XXYLT1: variants seen among roughly 807,000 people sequenced by gnomAD.
XXYLT1 encodes the protein UDP-xylose:alpha-xyloside alpha-1,3-xylosyltransferase.
In XXYLT1, 20 loss-of-function variants were observed where a neutral mutation model predicts 28.9. The ratio of observed to expected loss-of-function variants is 0.69; its 90% CI spans 0.49 to 1.00. The LOEUF is 1.00. XXYLT1 is among the 50% of genes least tolerant of loss of function. The pLI is 0.00. For synonymous variants in XXYLT1, 257 were observed against 253.8 expected (o/e 1.01, Z -0.12); for missense variants, 542 against 560.1 (o/e 0.97, Z 0.33).
chr3:195,203,745 T>A (rs1387544089), intron 2 of XXYLT1, among the ~76,000 whole-genome samples: 1 of 152,212 alleles, frequency 6.6e-6, no homozygotes, highest in African/African-American at 2.4e-5. Context: ...CTTGGAGCAG[T>A]GTGCTGGGAC....
chr3:195,122,182 A>G (rs12634646), intron 3 of XXYLT1: 174,355 of 702,684 alleles, frequency 0.25, 26,958 homozygotes, highest in East Asian at 0.58. Flanking sequence ...CAGGACACTC[A>G]TCCCATTCAT....
rs1350383863 is a variant in XXYLT1, at chr3:195,070,105, T to C, written c.792A>G (p.Thr264=). 3 of 1,563,932 alleles carry C rather than the reference T, an allele frequency of 1.9e-6. No homozygotes were observed. Among genetic ancestry groups the C allele is most frequent in the Non-Finnish European group, 2.6e-6 (3 of 1,162,488 alleles). Residue 264 remains threonine (T), a synonymous_variant, in exon 4 of 4, where the codon ACA becomes ACG. Coordinates refer to ENST00000310380, the MANE Select transcript of XXYLT1 (RefSeq NM_152531.5). ...AREMQPVYRH[T]FWQFRHENPQ... is the part of the protein sequence containing the mutation. ...GGTTCTCATGGCGGAACTGCCAGAA[T>C]GTGTGCCTGTGGAGAGAGAGGACAG...
intron 3 of XXYLT1, among the ~76,000 whole-genome samples, chr3:195,084,021 C>A (rs781123367): frequency 1.1e-4 from 16 of 151,158 alleles, no homozygotes; most frequent in Non-Finnish European, 1.6e-4. Flanking sequence ...GAGTGAAAAT[C>A]GGTCTCAAAA....
rs1721254251 is a variant in XXYLT1, at chr3:195,168,801, G to A, written c.653-12220C>T. Among the ~76,000 whole-genome samples, 2 of 152,198 alleles carry A rather than the reference G, an allele frequency of 1.3e-5. No individual in the cohort carries two copies. The highest frequency in any genetic ancestry group is 4.1e-4 in the South Asian group (2 of 4,834). On this transcript the variant is annotated intron_variant, in intron 2 of 3. Coordinates refer to ENST00000310380, the MANE Select transcript of XXYLT1 (RefSeq NM_152531.5). This position sits in a 1 kb window ranked among gnomAD's most constrained non-coding sequence, Gnocchi z 4.3. ...GCAAATGTTGAAAATTCAGGTCCAC[G>A]GTGGCCTGTAATAACCTGCTTAGGG...
At chr3:195,141,482 T>C (rs1190692107) in intron 3 of XXYLT1, among the ~76,000 whole-genome samples, 1 of 152,234 alleles carries the variant, frequency 6.6e-6, no homozygotes, top group Non-Finnish European at 1.5e-5. Flanking sequence ...GTATATGACC[T>C]CAACTACTGG....
chr3:195,252,260 C>A (rs951194186), intron 1 of XXYLT1, among the ~76,000 whole-genome samples: 1 of 152,050 alleles, frequency 6.6e-6, no homozygotes, highest in Non-Finnish European at 1.5e-5. Context: ...ACAGTAAATA[C>A]CTCTGGAGGG....
intron 1 of XXYLT1, among the ~76,000 whole-genome samples, chr3:195,235,390 T>G (rs1724491366): frequency 6.6e-6 from 1 of 152,240 alleles, no homozygotes; most frequent in South Asian, 2.1e-4. Context: ...TTTGTTAAAT[T>G]TATCTGATAG....
At chr3:195,122,148 A>G (rs58370605) in intron 3 of XXYLT1, 255,028 of 702,708 alleles carry the variant, frequency 0.36, 54,345 homozygotes, top group East Asian at 0.82. Context: ...AAGGGGTGAC[A>G]GAGCTCTTCA....
At chr3:195,084,366 C>G (rs990801728) in intron 3 of XXYLT1, among the ~76,000 whole-genome samples, 8 of 152,084 alleles carry the variant, frequency 5.3e-5, no homozygotes, top group African/African-American at 1.9e-4. Context: ...AGTCAGGGCC[C>G]TGGCCCTAGA....
At chr3:195,110,121 GGTGTGTGT>G (rs145838451) in intron 3 of XXYLT1, among the ~76,000 whole-genome samples, 954 of 54,802 alleles carry the variant, frequency 0.017, 240 homozygotes, top group African/African-American at 0.052. Flanking sequence ...GTGCATGTGT[GGTGTGTGT>G]GTGTGTGGTG....
chr3:195,235,557 G>C (rs1280601809), intron 1 of XXYLT1, among the ~76,000 whole-genome samples: 2 of 152,120 alleles, frequency 1.3e-5, no homozygotes, highest in East Asian at 3.9e-4. Context: ...TATTTTCCTG[G>C]ATGGTCTTGA....
chr3:195,097,115 T>C (rs913871094), intron 3 of XXYLT1, among the ~76,000 whole-genome samples: 5 of 152,282 alleles, frequency 3.3e-5, no homozygotes, highest in South Asian at 4.1e-4. Context: ...ACAAGACATA[T>C]AGGCCGGTTC....
At chr3:195,152,877 T>C (rs1218657418) in intron 3 of XXYLT1, 5 of 152,278 alleles carry the variant, frequency 3.3e-5, no homozygotes, top group African/African-American at 1.2e-4. Context: ...TGTGCTGTTT[T>C]GTGTTTAAAT....
At chr3:195,253,839 C>CA (rs1725373670) in intron 1 of XXYLT1, among the ~76,000 whole-genome samples, 1 of 152,254 alleles carries the variant, frequency 6.6e-6, no homozygotes, top group Non-Finnish European at 1.5e-5. Flanking sequence ...CTCAGTCACT[C>CA]AGTGAGCCCA....
At chr3:195,095,958 T>C (rs562091821) in intron 3 of XXYLT1, 14 of 152,304 alleles carry the variant, frequency 9.2e-5, no homozygotes, top group Non-Finnish European at 2.1e-4. Context: ...AGGTCTTACT[T>C]GTTTCCGGGG....
chr3:195,141,717 G>T (rs998986649), intron 3 of XXYLT1, among the ~76,000 whole-genome samples: 1 of 152,196 alleles, frequency 6.6e-6, no homozygotes, highest in African/African-American at 2.4e-5. Flanking sequence ...AATGCTCTGG[G>T]AATCTAACGT....
At chr3:195,201,782 G>A (rs980153996) in intron 2 of XXYLT1, among the ~76,000 whole-genome samples, 5 of 152,120 alleles carry the variant, frequency 3.3e-5, no homozygotes, top group African/African-American at 4.8e-5. Context: ...GGCCTAGAAG[G>A]TCCCAAAGCC....
intron 1 of XXYLT1, among the ~76,000 whole-genome samples, chr3:195,231,415 A>G (rs1401885095): frequency 6.6e-6 from 1 of 152,104 alleles, no homozygotes; most frequent in Admixed American, 6.5e-5. Context: ...TAGGATTTCC[A>G]GTACTATGTT....
chr3:195,081,997 G>A (rs373582943), intron 3 of XXYLT1, among the ~76,000 whole-genome samples: 1 of 152,224 alleles, frequency 6.6e-6, no homozygotes, highest in African/African-American at 2.4e-5. Context: ...CTTCCGGGGG[G>A]CGATCACTGA....
Sources: gnomAD v4.1 joint callset for allele counts (sites outside exome capture counted in the v4.1 genomes callset) on GRCh38, gnomAD v4.1.1 for gene constraint, Gnocchi (gnomAD v3.1) non-coding constraint, MANE v1.5 for transcripts, NCBI Gene and HGNC (gene_info 2026-07-23, HGNC 2026-07-21) for gene names.